Variants in BCKDHB observed in about 807,000 individuals in gnomAD.
BCKDHB encodes branched chain keto acid dehydrogenase E1 subunit beta, also known as 2-oxoisovalerate dehydrogenase subunit beta, mitochondrial.
In BCKDHB, 41 loss-of-function variants were observed where a neutral mutation model predicts 48.5. The observed-to-expected ratio is 0.85, with a 90% CI of 0.66 to 1.10. The LOEUF is 1.10. BCKDHB is among the 50% of genes least tolerant of loss of function. BCKDHB has a pLI of 0.00. For missense variants in BCKDHB, 496 were observed against 494.2 expected (o/e 1.00, Z -0.03); for synonymous variants, 201 against 174.8 (o/e 1.15, Z -1.18).
intron 3 of BCKDHB, among the ~76,000 whole-genome samples, chr6:80,151,696 G>A (rs1293221137): frequency 5.3e-5 from 8 of 152,040 alleles, no homozygotes; most frequent in Non-Finnish European, 8.8e-5. Context: ...GTTTACAAAG[G>A]GGAAAGCTCA....
chr6:80,216,982 C>T (rs960528294), intron 8 of BCKDHB, among the ~76,000 whole-genome samples: 3 of 152,174 alleles, frequency 2.0e-5, no homozygotes, highest in African/African-American at 4.8e-5. Flanking sequence ...TATGGTGGCT[C>T]ACTCCTGTAA....
chr6:80,145,900 C>T (rs538486615), intron 3 of BCKDHB, among the ~76,000 whole-genome samples: 9 of 152,246 alleles, frequency 5.9e-5, no homozygotes, highest in African/African-American at 2.2e-4. Context: ...TTCCTGGTTA[C>T]AGAGACCAAT....
chr6:80,374,194 A>G, the BCKDHB span: 1 of 725,716 alleles, frequency 1.4e-6, no homozygotes. Flanking sequence ...GTCTGGCAGC[A>G]CATCTTAGAT....
intron 9 of BCKDHB, among the ~76,000 whole-genome samples, chr6:80,310,754 G>C (rs1274986121): frequency 6.6e-6 from 1 of 152,118 alleles, no homozygotes; most frequent in Non-Finnish European, 1.5e-5. Context: ...AACCTCACCA[G>C]CATCTGTTGT....
intron 6 of BCKDHB, among the ~76,000 whole-genome samples, chr6:80,197,974 CCA>C (rs1312879324): frequency 6.6e-6 from 1 of 151,846 alleles, no homozygotes; most frequent in East Asian, 1.9e-4. Flanking sequence ...ATCCATCCAT[CCA>C]TCCGTCTATG....
the BCKDHB span, among the ~76,000 whole-genome samples, chr6:80,387,871 T>C: frequency 6.6e-6 from 1 of 152,254 alleles, no homozygotes; most frequent in Non-Finnish European, 1.5e-5. Flanking sequence ...TTGGATCCAG[T>C]GAGCAAGAAG....
At chr6:80,374,155 A>G in the BCKDHB span, 3 of 715,240 alleles carry the variant, frequency 4.2e-6, no homozygotes, top group Non-Finnish European at 7.7e-6. Flanking sequence ...GAGCTCATGT[A>G]TGGGTTAATC....
chr6:80,138,509 G>A (rs1771011717), intron 3 of BCKDHB, among the ~76,000 whole-genome samples: 1 of 151,744 alleles, frequency 6.6e-6, no homozygotes, highest in South Asian at 2.1e-4. Context: ...TGTTCTCATT[G>A]TTCAATTCCC....
In BCKDHB at chr6:80,198,224, T is replaced by C. The variant is rs146430231; in HGVS notation, c.743-2710T>C. On this transcript the variant is annotated intron_variant, in intron 6 of 9. Coordinates refer to ENST00000320393, the MANE Select transcript of BCKDHB (RefSeq NM_183050.4). Reference sequence around the variant, plus strand: ...ATGGCATGGTTGTGAGCCAACGAAATGCTGTTTACAAAAAAATCAACTTGC... The same window carrying C: ...ATGGCATGGTTGTGAGCCAACGAAACGCTGTTTACAAAAAAATCAACTTGC... Among the ~76,000 whole-genome samples, 767 of 152,236 alleles carry C rather than the reference T, an allele frequency of 5.0e-3. 7 individuals carry two copies. Among genetic ancestry groups the C allele is most frequent in the African/African-American group, 0.018 (741 of 41,548 alleles).
intron 3 of BCKDHB, among the ~76,000 whole-genome samples, chr6:80,144,301 A>G (rs891525798): frequency 2.0e-5 from 3 of 152,212 alleles, no homozygotes; most frequent in Non-Finnish European, 4.4e-5. Context: ...AGGTATTTGC[A>G]TGAAGAAGGC....
intron 8 of BCKDHB, among the ~76,000 whole-genome samples, chr6:80,244,200 C>T (rs946211590): frequency 3.9e-5 from 6 of 152,038 alleles, no homozygotes; most frequent in African/African-American, 1.4e-4. Context: ...GCTGGTGAAG[C>T]AGGAGATGGA....
At chr6:80,189,101 A>G (rs967659811) in intron 6 of BCKDHB, among the ~76,000 whole-genome samples, 2 of 152,246 alleles carry the variant, frequency 1.3e-5, no homozygotes, top group Non-Finnish European at 2.9e-5. Context: ...TGCAAAGTCA[A>G]ATATCTGGAA....
intron 8 of BCKDHB, among the ~76,000 whole-genome samples, chr6:80,246,876 C>T (rs1217863153): frequency 6.6e-6 from 1 of 152,058 alleles, no homozygotes; most frequent in African/African-American, 2.4e-5. Context: ...CAAACTCACA[C>T]ATTCCCCCAC....
chr6:80,187,670 T>C (rs1773705248), intron 6 of BCKDHB, among the ~76,000 whole-genome samples: 1 of 151,998 alleles, frequency 6.6e-6, no homozygotes, highest in Admixed American at 6.6e-5. Context: ...GCAAAGGACA[T>C]GAACAGACAC....
the BCKDHB span, among the ~76,000 whole-genome samples, chr6:80,439,084 A>G: frequency 6.6e-6 from 1 of 152,176 alleles, no homozygotes; most frequent in South Asian, 2.1e-4. Context: ...AAAACATCTT[A>G]ATGAGTTTTG....
chr6:80,220,375 TCTATAGA>T (rs1340649933), intron 8 of BCKDHB, among the ~76,000 whole-genome samples: 4 of 148,126 alleles, frequency 2.7e-5, no homozygotes, highest in Non-Finnish European at 4.5e-5. Flanking sequence ...CAAGTTATGT[TCTATAGA>T]TTATCTCTGT....
intron 8 of BCKDHB, among the ~76,000 whole-genome samples, chr6:80,243,322 G>C (rs957926216): frequency 6.6e-6 from 1 of 152,124 alleles, no homozygotes; most frequent in Non-Finnish European, 1.5e-5. Context: ...GTCCCAATCA[G>C]GGGGAAGAGG....
In BCKDHB at chr6:80,294,821, G is replaced by A. The variant is rs186635739; in HGVS notation, c.1038+21600G>A. Among the ~76,000 whole-genome samples the A allele has an allele frequency of 3.9e-3, 591 of 151,770 alleles. 5 individuals carry two copies. The highest frequency in any genetic ancestry group is 8.3e-3 in the South Asian group (39 of 4,716). On this transcript the variant is annotated intron_variant, in intron 9 of 9. Coordinates refer to ENST00000320393, the MANE Select transcript of BCKDHB (RefSeq NM_183050.4). ...GACAACACATGCATCACTGAACATA[G>A]ACCCTTATCAGTAGTTCTCCTTTTG...
At chr6:80,221,536 T>A (rs1775452951) in intron 8 of BCKDHB, among the ~76,000 whole-genome samples, 1 of 152,208 alleles carries the variant, frequency 6.6e-6, no homozygotes, top group Non-Finnish European at 1.5e-5. Context: ...ATAGTTTCTT[T>A]ATTGGTTTTC....
Sources: gnomAD v4.1 joint callset for allele counts (sites outside exome capture counted in the v4.1 genomes callset) on GRCh38, gnomAD v4.1.1 for gene constraint, MANE v1.5 for transcripts, NCBI Gene and HGNC (gene_info 2026-07-23, HGNC 2026-07-21) for gene names.